The following PACRGL variants were observed in gnomAD, a reference collection of about 807,000 sequenced individuals.
PACRGL encodes PACRG-like protein.
A neutral mutation model predicts 34.5 loss-of-function variants in PACRGL; 38 were observed. The ratio of observed to expected loss-of-function variants is 1.10; its 90% CI spans 0.85 to 1.44. The LOEUF (loss-of-function observed/expected upper bound fraction) is 1.44, where lower values mean the gene tolerates loss of function less well. Among genes scored for constraint, PACRGL ranks in the 40% most tolerant of loss-of-function variants. PACRGL has a pLI of 0.00. For synonymous variants in PACRGL, 128 were observed against 100.1 expected (o/e 1.28, Z -1.66); for missense variants, 305 against 281.4 (o/e 1.08, Z -0.60).
Position 20,730,233 on chromosome 4 carries a change from C to T in PACRGL, c.*2892C>T. 1.5e-6 allele frequency: 2 copies of T among 1,368,620 alleles called. No homozygotes were observed. The highest frequency in any genetic ancestry group is 9.7e-7 in the Non-Finnish European group (1 of 1,027,070). 84.8% of individuals were successfully genotyped at this position (1,368,620 alleles called of 1,614,324 possible). A position where few individuals can be genotyped will look rare whatever the true frequency, so the allele number is the denominator to read the frequency against. ...CTCCTCCCATCAACCACCTCAACCA[C>T]CTATGCCAAAAGCTCAAATATTAAG... On this transcript the variant is annotated 3_prime_UTR_variant, in exon 9 of 9. Coordinates refer to ENST00000503585, the MANE Select transcript of PACRGL (RefSeq NM_001258345.3).
intron 1 of PACRGL, chr4:20,702,793 C>G (rs1732767403): frequency 6.6e-6 from 1 of 152,142 alleles, no homozygotes; most frequent in Non-Finnish European, 1.5e-5. Flanking sequence ...TATTATCTGA[C>G]AACTTTAATG....
At chr4:20,737,704 A>G (rs932195939) in intron 8 of PACRGL, among the ~76,000 whole-genome samples, 2 of 152,240 alleles carry the variant, frequency 1.3e-5, no homozygotes, top group African/African-American at 2.4e-5. Flanking sequence ...AAGCAGTAAG[A>G]TGACATGCAA....
At chr4:20,701,638 G>A (rs1732208143) in intron 1 of PACRGL, 1 of 301,660 alleles carries the variant, frequency 3.3e-6, no homozygotes, top group Non-Finnish European at 6.6e-6. Flanking sequence ...AACAACTCAT[G>A]CTCCAGGCTT....
the PACRGL span, among the ~76,000 whole-genome samples, chr4:20,762,895 G>A: frequency 1.3e-5 from 2 of 152,160 alleles, no homozygotes; most frequent in African/African-American, 4.8e-5. Flanking sequence ...AAGGCCTCAG[G>A]AAACTTACAA....
At chr4:20,742,041 G>A (rs1751246267) in intron 8 of PACRGL, among the ~76,000 whole-genome samples, 2 of 152,114 alleles carry the variant, frequency 1.3e-5, no homozygotes, top group African/African-American at 2.4e-5. Context: ...TCCCTGAATA[G>A]ACCAATAACA....
chr4:20,723,430 T>G (rs1338355497), intron 7 of PACRGL, among the ~76,000 whole-genome samples: 1 of 151,182 alleles, frequency 6.6e-6, no homozygotes, highest in Non-Finnish European at 1.5e-5. Context: ...GTTTTTTTTG[T>G]TTTTTTGTTT....
chr4:20,704,225 GAAA>G (rs1034446785), intron 1 of PACRGL, among the ~76,000 whole-genome samples: 13 of 152,156 alleles, frequency 8.5e-5, no homozygotes, highest in African/African-American at 2.9e-4. Context: ...AATTTGAATG[GAAA>G]AAAAGTTGAC....
At chr4:20,748,407 G>A (rs1334009810) in intron 8 of PACRGL, among the ~76,000 whole-genome samples, 1 of 151,722 alleles carries the variant, frequency 6.6e-6, no homozygotes, top group African/African-American at 2.4e-5. Flanking sequence ...CACTGAGCAG[G>A]CTTCCCTGCT....
chr4:20,743,834 A>G (rs192148378), intron 8 of PACRGL, among the ~76,000 whole-genome samples: 6,168 of 152,216 alleles, frequency 0.041, 161 homozygotes, highest in Non-Finnish European at 0.066. Context: ...TGAACAGGCA[A>G]CCTACAAAAT....
chr4:20,707,967 C>T (rs1735326475), intron 4 of PACRGL, 97 bp downstream of exon 4: 10 of 913,170 alleles, frequency 1.1e-5, no homozygotes, highest in Non-Finnish European at 1.7e-5. Flanking sequence ...GTTTTATTTA[C>T]TAGTGAGGTT....
chr4:20,705,182 C>CCT (rs57759623), intron 3 of PACRGL, among the ~76,000 whole-genome samples: 109,145 of 151,972 alleles, frequency 0.72, 39,322 homozygotes, highest in African/African-American at 0.79. Context: ...TCTGACCTTT[C>CCT]CTGTGTTCTG....
Position 20,707,878 on chromosome 4 carries a change from C to A in PACRGL, c.275+8C>A. On this transcript the variant is annotated splice_region_variant and intron_variant, in intron 4 of 8. Transcript: ENST00000503585. ...AGGAGGTATTCCTTGCAGGTAAAAT[C>A]AATATGATTTATAACTGACCAAATT... The A allele has an allele frequency of 1.2e-6, 2 of 1,602,428 alleles. No homozygotes were observed. The highest frequency in any genetic ancestry group is 2.2e-5 in the South Asian group (2 of 90,726).
intron 8 of PACRGL, among the ~76,000 whole-genome samples, chr4:20,748,560 TTATATATATATATATA>T (rs3075750): frequency 0.034 from 2,177 of 64,884 alleles, 44 homozygotes; most frequent in Middle Eastern, 0.18. Context: ...CTTCCAAATT[TTATATATATATATATA>T]TATATATATA....
the PACRGL span, among the ~76,000 whole-genome samples, chr4:20,763,617 T>A: frequency 6.6e-6 from 1 of 152,134 alleles, no homozygotes; most frequent in African/African-American, 2.4e-5. Context: ...AAGACAAGAA[T>A]GCAGATTTGT....
At chr4:20,716,348 G>A in intron 7 of PACRGL, 3 of 582,404 alleles carry the variant, frequency 5.2e-6, no homozygotes, top group Non-Finnish European at 9.0e-6. Context: ...TTTTTTGTTT[G>A]TTTGTTTGTT....
chr4:20,709,531 C>A, intron 4 of PACRGL, 152 bp from the exon 5 acceptor site: 1 of 497,994 alleles, frequency 2.0e-6, no homozygotes, highest in Non-Finnish European at 3.5e-6. Context: ...ATTGACATTA[C>A]TTTGTAAAAT....
In PACRGL at chr4:20,704,673, A is replaced by C; in HGVS notation, c.66A>C (p.Gln22His). Residue 22 changes from glutamine (Q) to histidine (H), a missense_variant, in exon 3 of 9, where the codon CAA becomes CAC. By Grantham distance (24) the Gln-to-His change is conservative. Coordinates refer to ENST00000503585, the MANE Select transcript of PACRGL (RefSeq NM_001258345.3). The part of the protein sequence containing the change: ...LKNRATGNYD[Q>H]RTSSSTQLKH... ...GTTTTTTTCCAGGTAACTATGATCA[A>C]AGGACATCATCAAGCACACAGTTAA... 6.2e-7 allele frequency: 1 copy of C among 1,614,124 alleles called. No individual in the cohort carries two copies. Among genetic ancestry groups the C allele is most frequent in the Non-Finnish European group, 8.5e-7 (1 of 1,179,996 alleles).
At chr4:20,699,589 A>C (rs969251219), upstream of PACRGL, among the ~76,000 whole-genome samples, 3 of 152,234 alleles carry the variant, frequency 2.0e-5, no homozygotes, top group African/African-American at 7.2e-5. Flanking sequence ...ATGGAGCTAC[A>C]GGAGCACAGA....
chr4:20,763,528 AT>A, the PACRGL span, among the ~76,000 whole-genome samples: 1 of 152,108 alleles, frequency 6.6e-6, no homozygotes, highest in African/African-American at 2.4e-5. Flanking sequence ...CATCATTTCT[AT>A]TCTCATTTTT....
Sources: allele counts gnomAD v4.1 joint callset (sites outside exome capture counted in the v4.1 genomes callset), GRCh38; gene constraint gnomAD v4.1.1; transcripts MANE v1.5; gene names NCBI Gene and HGNC (gene_info 2026-07-23, HGNC 2026-07-21).